The following NAV1 variants were observed in gnomAD, a reference collection of about 807,000 sequenced individuals.
The protein encoded by NAV1 is neuron navigator 1.
A neutral mutation model predicts 175.2 loss-of-function variants in NAV1; 18 were observed. That is an observed-to-expected ratio of 0.10 (90% CI 0.07 to 0.15). The LOEUF is 0.15. Ranked by LOEUF, NAV1 falls within the 10% of genes least tolerant of loss-of-function variation. The probability of loss-of-function intolerance (pLI) is 1.00; values close to 1 mark genes in which losing one functional copy is unlikely to be tolerated. For synonymous variants in NAV1, 897 were observed against 978.7 expected (o/e 0.92, Z 1.56); for missense variants, 1,731 against 2,436.6 (o/e 0.71, Z 6.10).
At chr1:201,621,849 C>T (rs900302517), upstream of NAV1, among the ~76,000 whole-genome samples, 3 of 152,184 alleles carry the variant, frequency 2.0e-5, no homozygotes, top group Admixed American at 2.0e-4. Context: ...ATTTTTTAAC[C>T]TTTAACTCTT....
intron 1 of NAV1, among the ~76,000 whole-genome samples, chr1:201,699,213 C>T (rs1407818427): frequency 6.6e-6 from 1 of 152,204 alleles, no homozygotes; most frequent in Non-Finnish European, 1.5e-5. Context: ...CCCAAAATCT[C>T]CTTAAGCTGA....
intron 3 of NAV1, among the ~76,000 whole-genome samples, chr1:201,767,685 A>G (rs1675303537): frequency 6.6e-6 from 1 of 152,210 alleles, no homozygotes; most frequent in South Asian, 2.1e-4. Context: ...TGGCTACCAT[A>G]TTAACACAGG....
rs1665995499 is a variant in NAV1, at chr1:201,555,869, C to CG, written c.-144+16533dup. On this transcript the variant is annotated intron_variant, in intron 1 of 33. Transcript: ENST00000685211. The stretch of plus-strand genomic sequence containing the variant: ...AGGTGCTGTGAAGGGAGATGGGGGG[C>CG]GGGGGGCGGGGCAGATTTAATAACA... 8.5e-5 allele frequency among the ~76,000 whole-genome samples: 5 copies of CG among 59,144 alleles called. No individual in the cohort carries two copies. The South Asian group carries it at 2.5e-3, about 29-fold the overall frequency. The allele number at this position is 59,144 out of a possible 152,430, so 38.8% of individuals were successfully genotyped here.
chr1:201,668,867 C>T (rs1365510387), intron 1 of NAV1, among the ~76,000 whole-genome samples: 1 of 152,172 alleles, frequency 6.6e-6, no homozygotes, highest in Non-Finnish European at 1.5e-5. Context: ...TGGGGTCACT[C>T]CTGCAGCTTG....
intron 1 of NAV1, among the ~76,000 whole-genome samples, chr1:201,575,303 ACCCTTCTTG>A (rs1417833225): frequency 6.6e-6 from 1 of 151,746 alleles, no homozygotes; most frequent in Non-Finnish European, 1.5e-5. Flanking sequence ...CTATCTTTCT[ACCCTTCTTG>A]CCCTTCTTTC....
chr1:201,597,234 G>C (rs778521936), intron 2 of NAV1, among the ~76,000 whole-genome samples: 2 of 152,210 alleles, frequency 1.3e-5, no homozygotes, highest in Non-Finnish European at 2.9e-5. Flanking sequence ...AGTTAAGGAC[G>C]AAGAGGAGAA....
At chr1:201,722,774 C>T (rs951154393) in intron 3 of NAV1, among the ~76,000 whole-genome samples, 3 of 152,156 alleles carry the variant, frequency 2.0e-5, no homozygotes, top group African/African-American at 7.2e-5. Flanking sequence ...TCCGAATTCT[C>T]CCCAACATTT....
At chr1:201,643,324 T>C (rs1216987957), upstream of NAV1, among the ~76,000 whole-genome samples, 1 of 143,752 alleles carries the variant, frequency 7.0e-6, no homozygotes, top group Non-Finnish European at 1.5e-5. Context: ...TCTTTCTTTC[T>C]TCCCTTCCCT....
At chr1:201,722,289 C>T (rs1400768541) in intron 3 of NAV1, among the ~76,000 whole-genome samples, 6 of 152,150 alleles carry the variant, frequency 3.9e-5, no homozygotes, top group Admixed American at 3.9e-4. Flanking sequence ...TGGGAGCCAC[C>T]ATTCTACTTT....
intron 1 of NAV1, chr1:201,673,091 C>T (rs1316083888): frequency 6.6e-6 from 1 of 152,184 alleles, no homozygotes; most frequent in African/African-American, 2.4e-5. Flanking sequence ...GAAAAGTGAG[C>T]TTAATCTACA....
At chr1:201,668,820 C>G (rs1669932097) in intron 1 of NAV1, among the ~76,000 whole-genome samples, 1 of 152,182 alleles carries the variant, frequency 6.6e-6, no homozygotes, top group African/African-American at 2.4e-5. Flanking sequence ...ACCTTCTCAC[C>G]TCACCTCGCT....
At position 201,559,576 on chromosome 1, in the gene NAV1, C is replaced by T. The variant is rs55962902; in HGVS notation, c.-144+20234C>T. ...CAAAATTGTCCATTGAAGCACTGAT[C>T]GCTGAAGCTGGAGTGTGAGGAAAGG... On this transcript the variant is annotated intron_variant, in intron 1 of 33. Transcript: ENST00000685211. Among the ~76,000 whole-genome samples the T allele has an allele frequency of 7.1e-3, 1,076 of 152,072 alleles. 20 individuals are homozygous for T. Among genetic ancestry groups the T allele is most frequent in the African/African-American group, 0.025 (1,024 of 41,374 alleles).
chr1:201,700,882 G>C (rs1468112024), intron 1 of NAV1, among the ~76,000 whole-genome samples: 4 of 151,566 alleles, frequency 2.6e-5, no homozygotes, highest in Admixed American at 1.3e-4. Flanking sequence ...GTGGTGGCAG[G>C]CGCCTGTAGT....
chr1:201,563,814 G>A (rs1666276047), intron 1 of NAV1, among the ~76,000 whole-genome samples: 1 of 152,122 alleles, frequency 6.6e-6, no homozygotes, highest in African/African-American at 2.4e-5. Context: ...TAAATTCCTG[G>A]CCAGAAGTGG....
intron 2 of NAV1, among the ~76,000 whole-genome samples, chr1:201,639,914 G>A (rs1416804266): frequency 3.3e-5 from 5 of 152,090 alleles, no homozygotes; most frequent in Non-Finnish European, 7.4e-5. Context: ...CCTTTCACAC[G>A]GTGGGCAGGC....
At chr1:201,662,734 C>G (rs1235221761) in intron 1 of NAV1, among the ~76,000 whole-genome samples, 1 of 152,170 alleles carries the variant, frequency 6.6e-6, no homozygotes, top group Admixed American at 6.5e-5. Context: ...CTGCAGACAC[C>G]CTGTCCTTCC....
intron 9 of NAV1, 92 bp downstream of exon 13, chr1:201,786,669 C>T (rs1316933987): frequency 1.6e-5 from 20 of 1,275,948 alleles, no homozygotes; most frequent in East Asian, 4.8e-5. Context: ...GGTTTCATCT[C>T]ATGTTTGACT....
chr1:201,668,401 T>C (rs1305083645), intron 1 of NAV1, among the ~76,000 whole-genome samples: 1 of 152,192 alleles, frequency 6.6e-6, no homozygotes, highest in Non-Finnish European at 1.5e-5. Flanking sequence ...TTAAAAGCCT[T>C]GGCACAGAGA....
chr1:201,647,880 T>G (rs1400935673), upstream of NAV1, among the ~76,000 whole-genome samples: 2 of 151,664 alleles, frequency 1.3e-5, no homozygotes, highest in Non-Finnish European at 2.9e-5. Context: ...TACCTGCACC[T>G]CCACACCTCC....
Sources: allele counts gnomAD v4.1 joint callset (sites outside exome capture counted in the v4.1 genomes callset), GRCh38; gene constraint gnomAD v4.1.1; transcripts MANE v1.5; gene names NCBI Gene and HGNC (gene_info 2026-07-23, HGNC 2026-07-21).